Variants in SIX6 observed in about 807,000 individuals in gnomAD.
SIX6 encodes homeobox protein SIX6.
SIX6 carries 14 observed loss-of-function variants against 23.6 expected under a neutral mutation model. The observed-to-expected ratio is 0.59, with a 90% CI of 0.39 to 0.93. The LOEUF is 0.93. Among genes scored for constraint, SIX6 ranks in the 40% least tolerant of loss-of-function variants. The probability of loss-of-function intolerance (pLI) is 0.00; values close to 1 mark genes in which losing one functional copy is unlikely to be tolerated. For synonymous variants in SIX6, 128 were observed against 144.9 expected, an observed-to-expected ratio of 0.88 and a Z score of 0.84; for missense variants, 307 against 325.6, an observed-to-expected ratio of 0.94 and a Z score of 0.44.
chr14:60,509,560 A>C lies in SIX6; in HGVS notation c.162A>C (p.Leu54=), dbSNP rs1893258157. ...CCCTCAACAAGAATGAGTCGGTGCT[A>C]CGCGCACGAGCCATCGTGGCCTTTC... ...CEALNKNESV[L]RARAIVAFHG... Residue 54 remains leucine, a synonymous_variant, in exon 1 of 2, where the codon CTA becomes CTC. Coordinates refer to ENST00000327720, the MANE Select transcript of SIX6 (RefSeq NM_007374.3). The C allele has an allele frequency of 6.2e-7, 1 of 1,611,634 alleles. No homozygotes were observed. Among genetic ancestry groups the C allele is most frequent in the Admixed American group, 1.7e-5 (1 of 60,010 alleles).
chr14:60,510,218 G>T (rs1043559181), intron 1 of SIX6, among the ~76,000 whole-genome samples: 1 of 152,122 alleles, frequency 6.6e-6, no homozygotes, highest in Non-Finnish European at 1.5e-5. Flanking sequence ...ACCAAACCAA[G>T]GCTTCACTGG....
rs1893294579 is a variant in SIX6, at chr14:60,511,534, C to T, written c.*282C>T. 1.8e-6 allele frequency: 1 copy of T among 561,670 alleles called. No homozygotes were observed. The highest frequency in any genetic ancestry group is 3.2e-6 in the Non-Finnish European group (1 of 313,388). The allele number at this position is 561,670 out of a possible 1,614,324, so 34.8% of individuals were successfully genotyped here. On this transcript the variant is annotated 3_prime_UTR_variant, in exon 2 of 2. Coordinates refer to ENST00000327720, the MANE Select transcript of SIX6 (RefSeq NM_007374.3). ...AAGGATTTTGCTGCAAAGTCTCCTT[C>T]GGAACCCGAACTGCAAGCTGAGCGC...
At position 60,509,553 on chromosome 14, in the gene SIX6, C is replaced by G; in HGVS notation, c.155C>G (p.Ser52Trp). The change falls in exon 1 of 2, where the codon TCG becomes TGG. Residue 52 changes from serine to tryptophan, a missense_variant. By Grantham distance (177) the Ser-to-Trp change is radical. Coordinates refer to ENST00000327720, the MANE Select transcript of SIX6 (RefSeq NM_007374.3). ...TGCGAGGCCCTCAACAAGAATGAGT[C>G]GGTGCTACGCGCACGAGCCATCGTG... ...AACEALNKNE[S>W]VLRARAIVAF... 1 of 1,611,268 alleles carries G rather than the reference C, an allele frequency of 6.2e-7. No homozygotes were observed. The highest frequency in any genetic ancestry group is 8.5e-7 in the Non-Finnish European group (1 of 1,180,020).
chr14:60,510,867 G>C (rs948763202), intron 1 of SIX6, among the ~76,000 whole-genome samples: 2 of 152,238 alleles, frequency 1.3e-5, no homozygotes, highest in African/African-American at 4.8e-5. Flanking sequence ...GAGAAAGGGC[G>C]CGAATCATGG....
At position 60,512,033 on chromosome 14, in the gene SIX6, ATATG is replaced by A. The variant is rs1893302969; in HGVS notation, c.*788_*791del. ...CATATATGTATGTACCTATACAAACATATGTATGTACCTATACAAACATATGTAT... is the reference window on the plus strand; with the variant it reads ...CATATATGTATGTACCTATACAAACATATGTACCTATACAAACATATGTAT... On this transcript the variant is annotated 3_prime_UTR_variant, in exon 2 of 2. Coordinates refer to ENST00000327720, the MANE Select transcript of SIX6 (RefSeq NM_007374.3). The A allele has an allele frequency of 4.1e-4, 2 of 4,868 alleles. No individual in the cohort carries two copies. The highest frequency in any genetic ancestry group is 1.9e-3 in the Non-Finnish European group (2 of 1,028). The allele number at this position is 4,868 out of a possible 1,614,324, so 0.3% of individuals were successfully genotyped here. A position where few individuals can be genotyped will look rare whatever the true frequency, so the allele number is the denominator to read the frequency against.
Position 60,511,333 on chromosome 14 carries a change from G to C in SIX6, c.*81G>C. ...AATGAAAGAGGGGAAGAAGATGAGAGACCTGCAAATCCAGCGCCACAGAAG... is the reference window on the plus strand; with the variant it reads ...AATGAAAGAGGGGAAGAAGATGAGACACCTGCAAATCCAGCGCCACAGAAG... On this transcript the variant is annotated 3_prime_UTR_variant, in exon 2 of 2. Transcript: ENST00000327720. The C allele has an allele frequency of 2.9e-4, 414 of 1,451,076 alleles. No individual in the cohort carries two copies. Among genetic ancestry groups the C allele is most frequent in the Non-Finnish European group, 3.6e-4 (374 of 1,034,234 alleles). 89.9% of individuals were successfully genotyped at this position (1,451,076 alleles called of 1,614,324 possible).
At position 60,509,924 on chromosome 14, in the gene SIX6, T is replaced by A; in HGVS notation, c.526T>A (p.Phe176Ile). The change falls in exon 1 of 2, where the codon TTC becomes ATC. Residue 176 changes from phenylalanine (F) to isoleucine (I), a missense_variant. Coordinates refer to ENST00000327720, the MANE Select transcript of SIX6 (RefSeq NM_007374.3). ...GLTPTQVGNW[F>I]KNRRQRDRAA... is the part of the protein sequence containing the mutation. Reference sequence around the variant, plus strand: ...GACCCCTACGCAGGTGGGCAACTGGTTCAAAAACCGCCGACAAAGGGACCG... The same window carrying A: ...GACCCCTACGCAGGTGGGCAACTGGATCAAAAACCGCCGACAAAGGGACCG... The A allele has an allele frequency of 6.2e-7, 1 of 1,610,802 alleles. No individual in the cohort carries two copies. Among genetic ancestry groups the A allele is most frequent in the Non-Finnish European group, 8.5e-7 (1 of 1,178,414 alleles).
At chr14:60,510,109 T>A in intron 1 of SIX6, 139 bp downstream of exon 1, 1 of 769,928 alleles carries the variant, frequency 1.3e-6, no homozygotes, top group Non-Finnish European at 2.2e-6. Flanking sequence ...TTAAGAGCCC[T>A]GCGTTCTGGG....
chr14:60,510,089 C>T, intron 1 of SIX6, 119 bp downstream of exon 1: 1 of 928,766 alleles, frequency 1.1e-6, no homozygotes, highest in Non-Finnish European at 1.7e-6. Flanking sequence ...GGAGCGCGGT[C>T]TGTCTTGGGT....
rs1893296473 is a variant in SIX6 at position 60,511,668 on chromosome 14, ACTT to A, written c.*417_*419del. On this transcript the variant is annotated 3_prime_UTR_variant, in exon 2 of 2. Coordinates refer to ENST00000327720, the MANE Select transcript of SIX6 (RefSeq NM_007374.3). ...CAAAACATATATATGCTGTTTATTT[ACTT>A]ATTTAAGAGACCGCCATGGTAGGTT... 1 of 292,306 alleles carries A rather than the reference ACTT, an allele frequency of 3.4e-6. No individual in the cohort carries two copies. Among genetic ancestry groups the A allele is most frequent in the South Asian group, 3.6e-5 (1 of 28,122 alleles). The allele number at this position is 292,306 out of a possible 1,614,324, so 18.1% of individuals were successfully genotyped here.
intron 1 of SIX6, among the ~76,000 whole-genome samples, chr14:60,510,172 C>G (rs1259276097): frequency 1.3e-5 from 2 of 152,252 alleles, no homozygotes; most frequent in Non-Finnish European, 2.9e-5. Flanking sequence ...GCTGGCTCCC[C>G]ACGCCTGCGG....
At position 60,511,993 on chromosome 14, in the gene SIX6, A is replaced by G. The variant is rs866755316; in HGVS notation, c.*741A>G. ...AGGTCTATAACCACCTCCCACGTCA[A>G]ATTACACGTATGTGCATATATGTAT... On this transcript the variant is annotated 3_prime_UTR_variant, in exon 2 of 2. Transcript: ENST00000327720. 1 of 152,894 alleles carries G rather than the reference A, an allele frequency of 6.5e-6. No individual in the cohort carries two copies. The highest frequency in any genetic ancestry group is 3.4e-3 in the Middle Eastern group (1 of 294). The allele number at this position is 152,894 out of a possible 1,614,324, so 9.5% of individuals were successfully genotyped here.
At chr14:60,510,048 G>C in intron 1 of SIX6, 78 bp downstream of exon 1, 1 of 1,290,294 alleles carries the variant, frequency 7.8e-7, no homozygotes, top group South Asian at 1.3e-5. Flanking sequence ...CCCTTACCCA[G>C]TCCCTGGCGA....
chr14:60,511,170 C>T lies in SIX6; in HGVS notation c.659C>T (p.Thr220Ile), dbSNP rs999129819. The T allele has an allele frequency of 3.1e-6, 5 of 1,611,820 alleles. No homozygotes were observed. Among genetic ancestry groups the T allele is most frequent in the Middle Eastern group, 3.3e-4 (2 of 6,082 alleles). ...ACGCCAGAGGTGCTGGGCGTCGCCA[C>T]CAGCCCGGCCGCCAGTCTATCCAGC... ...DGTPEVLGVA[T>I]SPAASLSSKA... Residue 220 changes from threonine (T) to isoleucine (I), a missense_variant, in exon 2 of 2, where the codon ACC (threonine) becomes ATC (isoleucine). Thr to Ile is a moderately conservative substitution (Grantham distance 89). Coordinates refer to ENST00000327720, the MANE Select transcript of SIX6 (RefSeq NM_007374.3).
In SIX6 at chr14:60,512,698, C is replaced by T. The variant is rs1282098268; in HGVS notation, c.*1446C>T. 6.6e-6 allele frequency: 1 copy of T among 152,226 alleles called. No individual in the cohort carries two copies. Among genetic ancestry groups the T allele is most frequent in the Non-Finnish European group, 1.5e-5 (1 of 68,042 alleles). The allele number at this position is 152,226 out of a possible 1,614,324, so 9.4% of individuals were successfully genotyped here. A position where few individuals can be genotyped will look rare whatever the true frequency, so the allele number is the denominator to read the frequency against. On this transcript the variant is annotated 3_prime_UTR_variant, in exon 2 of 2. Transcript: ENST00000327720. ...CATTTAATTTTTCCTCGTGCACATGCATGTATGCACCTATACATGAACAAA... is the reference window on the plus strand; with the variant it reads ...CATTTAATTTTTCCTCGTGCACATGTATGTATGCACCTATACATGAACAAA...
rs775987768 is a variant in SIX6 at position 60,509,588 on chromosome 14, G to A, written c.190G>A (p.Gly64Ser). The change falls in exon 1 of 2, where the codon GGT becomes AGT. Residue 64 changes from glycine (G) to serine (S), a missense_variant. Physicochemically the swap from Gly to Ser is moderately conservative, Grantham distance 56. Coordinates refer to ENST00000327720, the MANE Select transcript of SIX6 (RefSeq NM_007374.3). ...LRARAIVAFH[G>S]GNYRELYHIL... ...CGCACGAGCCATCGTGGCCTTTCACGGTGGCAACTACCGCGAGCTCTATCA... is the reference window on the plus strand; with the variant it reads ...CGCACGAGCCATCGTGGCCTTTCACAGTGGCAACTACCGCGAGCTCTATCA... 2 of 1,613,218 alleles carry A rather than the reference G, an allele frequency of 1.2e-6. No individual in the cohort carries two copies. The highest frequency in any genetic ancestry group is 2.2e-5 in the South Asian group (2 of 91,064).
chr14:60,509,949 G>A lies in SIX6; in HGVS notation c.551G>A (p.Arg184Gln), dbSNP rs772792063. ...TTCAAAAACCGCCGACAAAGGGACCGAGCGGCTGCAGCCAAGAACAGGTCG... is the reference window on the plus strand; with the variant it reads ...TTCAAAAACCGCCGACAAAGGGACCAAGCGGCTGCAGCCAAGAACAGGTCG... ...NWFKNRRQRD[R>Q]AAAAKNRLQQ... Residue 184 changes from arginine to glutamine, a missense_variant, in exon 1 of 2, where the codon CGA (arginine) becomes CAA (glutamine). Arg to Gln is a conservative substitution (Grantham distance 43). Transcript: ENST00000327720. 5.6e-6 allele frequency: 9 copies of A among 1,607,012 alleles called. No individual in the cohort carries two copies. Among genetic ancestry groups the A allele is most frequent in the Non-Finnish European group, 5.9e-6 (7 of 1,176,498 alleles).
At position 60,509,723 on chromosome 14, in the gene SIX6, C is replaced by A; in HGVS notation, c.325C>A (p.Pro109Thr). 6.2e-7 allele frequency: 1 copy of A among 1,614,118 alleles called. No individual in the cohort carries two copies. Among genetic ancestry groups the A allele is most frequent in the African/African-American group, 1.3e-5 (1 of 75,042 alleles). ...AEKLRGRPLG[P>T]VDKYRVRKKF... ...GAAGCTGCGTGGAAGACCCCTGGGA[C>A]CTGTGGACAAGTACCGAGTAAGGAA... is the stretch of plus-strand genomic sequence containing the variant. The change falls in exon 1 of 2, where the codon CCT becomes ACT. Residue 109 changes from proline to threonine, a missense_variant. Transcript: ENST00000327720.
rs1320900185 is a variant in SIX6 at position 60,509,905 on chromosome 14, T to C, written c.507T>C (p.Pro169=). The change falls in exon 1 of 2, where the codon CCT becomes CCC. Residue 169 remains proline (P), a synonymous_variant. Transcript: ENST00000327720. ...TCGCCCAGGCAACCGGACTGACCCC[T>C]ACGCAGGTGGGCAACTGGTTCAAAA... The part of the protein sequence containing the change: ...RELAQATGLT[P]TQVGNWFKNR... 1.2e-6 allele frequency: 2 copies of C among 1,612,372 alleles called. No homozygotes were observed. Among genetic ancestry groups the C allele is most frequent in the East Asian group, 2.2e-5 (1 of 44,836 alleles).
Sources: gnomAD v4.1 joint callset for allele counts (sites outside exome capture counted in the v4.1 genomes callset) on GRCh38, gnomAD v4.1.1 for gene constraint, MANE v1.5 for transcripts, NCBI Gene and HGNC (gene_info 2026-07-23, HGNC 2026-07-21) for gene names.